Variants in CRACD observed in about 807,000 individuals in gnomAD.
CRACD encodes the protein capping protein-inhibiting regulator of actin dynamics.
In CRACD, 56 loss-of-function variants were observed where a neutral mutation model predicts 106.8. That is an observed-to-expected ratio of 0.52 (90% CI 0.42 to 0.66). The LOEUF (loss-of-function observed/expected upper bound fraction) is 0.66, where lower values mean the gene tolerates loss of function less well. CRACD is among the 30% of genes least tolerant of loss of function. The probability of loss-of-function intolerance (pLI) is 0.00; values close to 1 mark genes in which losing one functional copy is unlikely to be tolerated. For synonymous variants in CRACD, 754 were observed against 670.8 expected, an observed-to-expected ratio of 1.12 and a Z score of -1.92; for missense variants, 1,730 against 1,623.2, an observed-to-expected ratio of 1.07 and a Z score of -1.13.
At chr4:56,136,819 AT>A (rs1735017190) in intron 1 of CRACD, among the ~76,000 whole-genome samples, 1 of 152,132 alleles carries the variant, frequency 6.6e-6, no homozygotes. Flanking sequence ...ATTAAGATAT[AT>A]TTGCCTAATT....
chr4:56,231,156 G>T (rs1739596220), intron 2 of CRACD, among the ~76,000 whole-genome samples: 1 of 152,044 alleles, frequency 6.6e-6, no homozygotes, highest in South Asian at 2.1e-4. Flanking sequence ...CTATGTTCTT[G>T]TACATCATGA....
chr4:56,266,360 C>G (rs1241473424), intron 2 of CRACD, among the ~76,000 whole-genome samples: 1 of 152,144 alleles, frequency 6.6e-6, no homozygotes, highest in African/African-American at 2.4e-5. Context: ...GGCAAGTCCT[C>G]TTGTCTCTGG....
intron 1 of CRACD, among the ~76,000 whole-genome samples, chr4:56,114,785 AT>A (rs1446813786): frequency 2.0e-5 from 3 of 152,074 alleles, no homozygotes; most frequent in African/African-American, 7.3e-5. Flanking sequence ...TTGCATTTAC[AT>A]ATTTATATTT....
chr4:56,256,816 G>A (rs1052608393), intron 2 of CRACD, among the ~76,000 whole-genome samples: 8 of 152,124 alleles, frequency 5.3e-5, no homozygotes, highest in Non-Finnish European at 8.8e-5. Flanking sequence ...AGATTGAATG[G>A]ACCCCTACTT....
chr4:56,224,883 G>C (rs1361037539), intron 2 of CRACD, among the ~76,000 whole-genome samples: 3 of 152,176 alleles, frequency 2.0e-5, no homozygotes, highest in Non-Finnish European at 4.4e-5. Context: ...TTACCTTGAA[G>C]CTGGGAGCCA....
In CRACD at chr4:56,128,781, T is replaced by G. The variant is rs567736394; in HGVS notation, c.-335-50503T>G. Among the ~76,000 whole-genome samples, 5 of 152,276 alleles carry G rather than the reference T, an allele frequency of 3.3e-5. No homozygotes were observed. In the East Asian group the frequency reaches 7.7e-4, roughly 23 times the overall value. Reference sequence around the variant, plus strand: ...TTTTCTGAACCTCCCGCATAAAATGTTCTTTTCTACATTAAAATAAAAAAT... The same window carrying G: ...TTTTCTGAACCTCCCGCATAAAATGGTCTTTTCTACATTAAAATAAAAAAT... On this transcript the variant is annotated intron_variant, in intron 1 of 10. Transcript: ENST00000682029.
chr4:56,157,737 C>T (rs1288836299), intron 1 of CRACD, among the ~76,000 whole-genome samples: 2 of 151,904 alleles, frequency 1.3e-5, no homozygotes, highest in African/African-American at 4.8e-5. Context: ...CAGTGTTGTT[C>T]GAAGAATGCT....
chr4:56,213,684 A>C (rs1329203499), intron 2 of CRACD, among the ~76,000 whole-genome samples: 1 of 152,156 alleles, frequency 6.6e-6, no homozygotes. Flanking sequence ...TGTTTGCCTT[A>C]TTTCTGGATT....
intron 3 of CRACD, among the ~76,000 whole-genome samples, chr4:56,287,236 C>T (rs956320304): frequency 1.3e-5 from 2 of 152,052 alleles, no homozygotes; most frequent in Admixed American, 6.5e-5. Context: ...GCAATCTGCC[C>T]GCTTCAGCCT....
At chr4:56,214,679 C>CTATA (rs755261143) in intron 2 of CRACD, among the ~76,000 whole-genome samples, 1,149 of 74,212 alleles carry the variant, frequency 0.015, 47 homozygotes, top group East Asian at 0.083. Flanking sequence ...CTCTCTCTCT[C>CTATA]TCTATATATA....
chr4:56,188,686 T>TCTCTCACACA (rs1553908658), intron 2 of CRACD, among the ~76,000 whole-genome samples: 1 of 92,136 alleles, frequency 1.1e-5, no homozygotes, highest in South Asian at 4.7e-4. Flanking sequence ...TCTCTCTCTC[T>TCTCTCACACA]CACACACACA....
At chr4:56,139,247 A>C (rs539577305) in intron 1 of CRACD, among the ~76,000 whole-genome samples, 1 of 152,316 alleles carries the variant, frequency 6.6e-6, no homozygotes, top group South Asian at 2.1e-4. Context: ...TCTAAAGCTT[A>C]GGAGCAAGAA....
At chr4:56,219,558 A>G (rs1009622575) in intron 2 of CRACD, among the ~76,000 whole-genome samples, 3 of 152,152 alleles carry the variant, frequency 2.0e-5, no homozygotes, top group African/African-American at 7.2e-5. Context: ...TACGTTGGCC[A>G]GGCTGGTCTT....
intron 1 of CRACD, among the ~76,000 whole-genome samples, chr4:56,117,024 T>A (rs1255329060): frequency 7.4e-6 from 1 of 135,088 alleles, no homozygotes; most frequent in Non-Finnish European, 1.5e-5. Context: ...TTAATTTTTT[T>A]TTTTTTTTTT....
intron 1 of CRACD, among the ~76,000 whole-genome samples, chr4:56,151,142 G>A (rs1281385743): frequency 5.9e-5 from 9 of 152,262 alleles, no homozygotes; most frequent in Non-Finnish European, 8.8e-5. Context: ...GACAAAAGGC[G>A]CATGCCACCA....
rs116522758 is a variant in CRACD, at chr4:56,307,668, A to G, written c.254A>G (p.Gln85Arg). The change falls in exon 5 of 11, where the codon CAG becomes CGG. Residue 85 changes from glutamine (Q) to arginine (R), a missense_variant. Coordinates refer to ENST00000682029, the MANE Select transcript of CRACD (RefSeq NM_001393381.1). ...AGTCCCATGGAAATTGTGACTCAGC[A>G]GGACATCGTCCTCTCAGACGCAGAG... Reference protein sequence around the residue: ...LTSPMEIVTQQDIVLSDAENK... With the variant: ...LTSPMEIVTQRDIVLSDAENK... 3,623 of 1,614,170 alleles carry G rather than the reference A, an allele frequency of 2.2e-3. 69 individuals carry two copies. In the African/African-American group the frequency reaches 0.043, roughly 19 times the overall value.
chr4:56,172,457 T>C (rs1736408055), intron 1 of CRACD, among the ~76,000 whole-genome samples: 1 of 152,182 alleles, frequency 6.6e-6, no homozygotes, highest in Non-Finnish European at 1.5e-5. Context: ...GATGTGGTTC[T>C]AACACCCAAC....
chr4:56,263,173 A>G (rs1453746761), intron 2 of CRACD, among the ~76,000 whole-genome samples: 1 of 152,200 alleles, frequency 6.6e-6, no homozygotes, highest in Non-Finnish European at 1.5e-5. Flanking sequence ...AAAGTGTTCA[A>G]GGCAGGCTTT....
In CRACD at chr4:56,082,097, A is replaced by G. The variant is rs1258767982; in HGVS notation, c.-336+32798A>G. ...TTTGATAGTGGCTCTGCAGAACCTT[A>G]GTATAGGGTGGTATGATAGAGTTGC... On this transcript the variant is annotated intron_variant, in intron 1 of 10. Transcript: ENST00000682029. 1.9e-4 allele frequency among the ~76,000 whole-genome samples: 29 copies of G among 152,240 alleles called. 1 individual carries two copies. The highest frequency in any genetic ancestry group is 1.8e-3 in the Admixed American group (27 of 15,280).
Sources: allele counts gnomAD v4.1 joint callset (sites outside exome capture counted in the v4.1 genomes callset), GRCh38; gene constraint gnomAD v4.1.1; transcripts MANE v1.5; gene names NCBI Gene and HGNC (gene_info 2026-07-23, HGNC 2026-07-21).